PRRX1: variants seen among roughly 807,000 people sequenced by gnomAD.
The protein encoded by PRRX1 is paired related homeobox 1.
A neutral mutation model predicts 24.0 loss-of-function variants in PRRX1; 8 were observed. That is an observed-to-expected ratio of 0.33 (90% CI 0.20 to 0.60). The LOEUF is 0.60. PRRX1 is among the 20% of genes least tolerant of loss of function. The pLI, the probability that PRRX1 is intolerant of heterozygous loss-of-function variation, is 0.82. For missense variants in PRRX1, 281 were observed against 322.4 expected (o/e 0.87, Z 0.98); for synonymous variants, 160 against 131.7 (o/e 1.22, Z -1.47).
At position 170,670,629 on chromosome 1, in the gene PRRX1, G is replaced by A. The variant is rs182393555; in HGVS notation, c.241+6170G>A. 2.2e-3 allele frequency among the ~76,000 whole-genome samples: 339 copies of A among 152,038 alleles called. 1 individual carries two copies. The highest frequency in any genetic ancestry group is 0.017 in the Admixed American group (259 of 15,278). Reference sequence around the variant, plus strand: ...CTCATCCAGACAATTATGGGGTATCGATTTTTAACTTTAAGATTAAAAAAA... The same window carrying A: ...CTCATCCAGACAATTATGGGGTATCAATTTTTAACTTTAAGATTAAAAAAA... On this transcript the variant is annotated intron_variant, in intron 1 of 3. Transcript: ENST00000239461.
chr1:170,664,524 G>A lies in PRRX1; in HGVS notation c.241+65G>A, dbSNP rs1288167921. ...GACAGAGGGCGGGGACCCGTGTAGG[G>A]CAGCTAGAGCCCGTCCGCGGCCAGA... On this transcript the variant is annotated intron_variant, in intron 1 of 3. Transcript: ENST00000239461. 3.9e-6 allele frequency: 6 copies of A among 1,536,738 alleles called. No homozygotes were observed. The African/African-American group carries it at 4.1e-5, about 11-fold the overall frequency.
At chr1:170,713,039 T>G (rs138234055) in intron 1 of PRRX1, among the ~76,000 whole-genome samples, 5 of 152,222 alleles carry the variant, frequency 3.3e-5, no homozygotes, top group Non-Finnish European at 7.3e-5. Context: ...TGTTCAATAA[T>G]GCATCTCTTA....
chr1:170,683,243 A>G (rs2101893029), intron 1 of PRRX1, among the ~76,000 whole-genome samples: 1 of 152,322 alleles, frequency 6.6e-6, no homozygotes, highest in South Asian at 2.1e-4. Flanking sequence ...AGGTTATTGC[A>G]ACAGGCCAGA....
At chr1:170,693,538 T>C (rs1374162450) in intron 1 of PRRX1, among the ~76,000 whole-genome samples, 2 of 152,102 alleles carry the variant, frequency 1.3e-5, no homozygotes, top group Non-Finnish European at 2.9e-5. Context: ...GATCTTCCAC[T>C]TTCCCTATCC....
intron 1 of PRRX1, among the ~76,000 whole-genome samples, chr1:170,701,820 A>G (rs1389020025): frequency 1.3e-5 from 2 of 152,236 alleles, no homozygotes; most frequent in Admixed American, 1.3e-4. Flanking sequence ...GTAATTATTA[A>G]TAGCATATCC....
At position 170,672,231 on chromosome 1, in the gene PRRX1, T is replaced by C. The variant is rs1314220983; in HGVS notation, c.241+7772T>C. ...ATGAGGATAAATTTTTAACCCCTTCTGTAAATTTAGGGATTTTCGACTTCT... is the reference window on the plus strand; with the variant it reads ...ATGAGGATAAATTTTTAACCCCTTCCGTAAATTTAGGGATTTTCGACTTCT... On this transcript the variant is annotated intron_variant, in intron 1 of 3. Coordinates refer to ENST00000239461, the MANE Select transcript of PRRX1 (RefSeq NM_022716.4). Among the ~76,000 whole-genome samples, 5 of 152,214 alleles carry C rather than the reference T, an allele frequency of 3.3e-5. No homozygotes were observed. In the East Asian group the frequency reaches 9.6e-4, roughly 29 times the overall value.
At chr1:170,722,296 C>T (rs1003547325) in intron 2 of PRRX1, among the ~76,000 whole-genome samples, 1 of 152,168 alleles carries the variant, frequency 6.6e-6, no homozygotes, top group Non-Finnish European at 1.5e-5. Context: ...GGGCCAACTT[C>T]CCCCACAGGA....
Position 170,711,546 on chromosome 1 carries a change from G to A in PRRX1, c.242-8180G>A, listed in dbSNP as rs556514535. ...TTCCAGTCTTGGTTTTTTAGAACCT[G>A]TGCTTACCAGATTTTTCTTTAGAAC... On this transcript the variant is annotated intron_variant, in intron 1 of 3. Coordinates refer to ENST00000239461, the MANE Select transcript of PRRX1 (RefSeq NM_022716.4). Among the ~76,000 whole-genome samples, 7 of 152,226 alleles carry A rather than the reference G, an allele frequency of 4.6e-5. No individual in the cohort carries two copies. The East Asian group carries it at 7.7e-4, about 17-fold the overall frequency.
At chr1:170,664,088 C>CCTCT (rs58408113), upstream of PRRX1, 474 of 665,574 alleles carry the variant, frequency 7.1e-4, 1 homozygote, top group African/African-American at 7.4e-3. Context: ...CCTCTTCCTC[C>CCTCT]CTCTCTCTCT....
intron 1 of PRRX1, among the ~76,000 whole-genome samples, chr1:170,698,195 G>C (rs1224634684): frequency 1.3e-5 from 2 of 152,132 alleles, no homozygotes; most frequent in East Asian, 3.9e-4. Flanking sequence ...GCCTCTGAGA[G>C]AAACTCCAGG....
rs1162242529 is a variant in PRRX1 at position 170,739,096 on chromosome 1, G to A, written c.*2910G>A. 1 of 214,660 alleles carries A rather than the reference G, an allele frequency of 4.7e-6. No homozygotes were observed. 13.3% of individuals were successfully genotyped at this position (214,660 alleles called of 1,614,324 possible). ...GCCAGTTGTCAGTGGAGGTCCTCAGGGCTGCAAATGTCAAGACATAACCCT... is the reference window on the plus strand; with the variant it reads ...GCCAGTTGTCAGTGGAGGTCCTCAGAGCTGCAAATGTCAAGACATAACCCT... On this transcript the variant is annotated 3_prime_UTR_variant, in exon 4 of 4. Coordinates refer to ENST00000239461, the MANE Select transcript of PRRX1 (RefSeq NM_022716.4).
chr1:170,736,565 T>C lies in PRRX1; in HGVS notation c.*379T>C, dbSNP rs1655614267. On this transcript the variant is annotated 3_prime_UTR_variant, in exon 4 of 4. Transcript: ENST00000239461. ...GAAACTATATATATATATATATATA[T>C]ATATATCCAGAATGATTGCCTCTAC... 1 of 204,000 alleles carries C rather than the reference T, an allele frequency of 4.9e-6. No individual in the cohort carries two copies. The highest frequency in any genetic ancestry group is 9.9e-6 in the Non-Finnish European group (1 of 101,114). The allele number at this position is 204,000 out of a possible 1,614,324, so 12.6% of individuals were successfully genotyped here.
intron 1 of PRRX1, among the ~76,000 whole-genome samples, chr1:170,705,092 G>C (rs1654514304): frequency 6.6e-6 from 1 of 152,082 alleles, no homozygotes; most frequent in African/African-American, 2.4e-5. Flanking sequence ...AACATCCTTA[G>C]TGATTCACCT....
chr1:170,667,635 A>T (rs1652988335), intron 1 of PRRX1: 1 of 152,138 alleles, frequency 6.6e-6, no homozygotes, highest in Admixed American at 6.5e-5. Context: ...TCGGGAAAGG[A>T]TGGCTAGAGC....
At chr1:170,668,773 A>G (rs912980180) in intron 1 of PRRX1, 6 of 152,044 alleles carry the variant, frequency 3.9e-5, no homozygotes, top group Non-Finnish European at 8.8e-5. Flanking sequence ...TGGCGCCAGA[A>G]ATTTTCTTAT....
chr1:170,736,239 C>T lies in PRRX1; in HGVS notation c.*53C>T. On this transcript the variant is annotated 3_prime_UTR_variant, in exon 4 of 4. Transcript: ENST00000239461. ...GAAGAAATCAAAAACCATAAGACACCTATCCTGCTCTGTTATTTCTTCATC... is the reference window on the plus strand; with the variant it reads ...GAAGAAATCAAAAACCATAAGACACTTATCCTGCTCTGTTATTTCTTCATC... The T allele has an allele frequency of 6.2e-7, 1 of 1,600,346 alleles. No individual in the cohort carries two copies. Among genetic ancestry groups the T allele is most frequent in the Non-Finnish European group, 8.6e-7 (1 of 1,168,426 alleles).
At position 170,736,377 on chromosome 1, in the gene PRRX1, T is replaced by C; in HGVS notation, c.*191T>C. 1.4e-6 allele frequency: 1 copy of C among 704,536 alleles called. No individual in the cohort carries two copies. Among genetic ancestry groups the C allele is most frequent in the Non-Finnish European group, 2.3e-6 (1 of 428,128 alleles). 43.6% of individuals were successfully genotyped at this position (704,536 alleles called of 1,614,324 possible). On this transcript the variant is annotated 3_prime_UTR_variant, in exon 4 of 4. Transcript: ENST00000239461. ...AAAATGAAAATTAGTTAACAAATGT[T>C]CCTCCTCCCTCTGGGATACCACCAC...
chr1:170,705,418 G>T (rs941485680), intron 1 of PRRX1, among the ~76,000 whole-genome samples: 2 of 152,074 alleles, frequency 1.3e-5, no homozygotes, highest in African/African-American at 4.8e-5. Context: ...AGGTAGCTGG[G>T]ACTACAGGAG....
At chr1:170,664,030 C>T (rs1443316598), upstream of PRRX1, 2 of 590,968 alleles carry the variant, frequency 3.4e-6, no homozygotes, top group African/African-American at 4.8e-5. Context: ...AGGGGGTCCC[C>T]CACCCTCTTT....
Sources: allele counts gnomAD v4.1 joint callset (sites outside exome capture counted in the v4.1 genomes callset), GRCh38; gene constraint gnomAD v4.1.1; transcripts MANE v1.5; gene names NCBI Gene and HGNC (gene_info 2026-07-23, HGNC 2026-07-21).